The following PLEKHA5 variants were observed in gnomAD, a reference collection of about 807,000 sequenced individuals.
PLEKHA5 encodes pleckstrin homology domain containing A5.
A neutral mutation model predicts 181.9 loss-of-function variants in PLEKHA5; 55 were observed. The ratio of observed to expected loss-of-function variants is 0.30; its 90% confidence interval spans 0.24 to 0.38. PLEKHA5 has a LOEUF of 0.38. Among genes scored for constraint, PLEKHA5 ranks in the 10% least tolerant of loss-of-function variants. The pLI is 1.00. For synonymous variants in PLEKHA5, 535 were observed against 529.4 expected (o/e 1.01, Z -0.15); for missense variants, 1,432 against 1,549.5 (o/e 0.92, Z 1.27).
intron 3 of PLEKHA5, among the ~76,000 whole-genome samples, chr12:19,166,551 C>T (rs1436465062): frequency 2.0e-5 from 3 of 152,138 alleles, no homozygotes; most frequent in Non-Finnish European, 4.4e-5. Context: ...CCTTACCTGA[C>T]TAGTGGCTGT....
At chr12:19,294,586 A>C (rs1427870998) in intron 15 of PLEKHA5, among the ~76,000 whole-genome samples, 4 of 152,240 alleles carry the variant, frequency 2.6e-5, no homozygotes, top group Non-Finnish European at 5.9e-5. Context: ...CCAGCAACAA[A>C]ATGTAGTTTT....
Position 19,343,441 on chromosome 12 carries a change from TAGCTTTG to T in PLEKHA5, c.2662+8_2662+14del. 6.8e-7 allele frequency: 1 copy of T among 1,479,534 alleles called. No homozygotes were observed. Among genetic ancestry groups the T allele is most frequent in the South Asian group, 1.1e-5 (1 of 88,188 alleles). 91.7% of individuals were successfully genotyped at this position (1,479,534 alleles called of 1,614,324 possible). Reference sequence around the variant, plus strand: ...AGAGGTACTACAGAAATAGGTAAATTAGCTTTGCATTTTATTTTGTGACTGACCACAG... The same window carrying T: ...AGAGGTACTACAGAAATAGGTAAATTCATTTTATTTTGTGACTGACCACAG... On this transcript the variant is annotated splice_region_variant and intron_variant, in intron 22 of 31. Coordinates refer to ENST00000429027, the MANE Select transcript of PLEKHA5 (RefSeq NM_001256470.2).
chr12:19,279,431 G>A (rs1486065332), intron 11 of PLEKHA5, among the ~76,000 whole-genome samples: 2 of 152,042 alleles, frequency 1.3e-5, no homozygotes, highest in Non-Finnish European at 2.9e-5. Flanking sequence ...GGGAGGCCAA[G>A]GTGGTTGGAT....
intron 3 of PLEKHA5, among the ~76,000 whole-genome samples, chr12:19,253,064 C>CTGTTTTTTTTTTTTTTTTTTTT (rs2065786894): frequency 2.2e-5 from 1 of 45,834 alleles, no homozygotes; most frequent in Non-Finnish European, 4.6e-5. Flanking sequence ...ATCAACTTAC[C>CTGTTTTTTTTTTTTTTTTTTTT]TTTTTTTTTT....
chr12:19,233,913 C>A (rs947113563), intron 3 of PLEKHA5, among the ~76,000 whole-genome samples: 1 of 152,136 alleles, frequency 6.6e-6, no homozygotes, highest in Admixed American at 6.5e-5. Context: ...TTAGCTCTCA[C>A]GAAGTAGTGG....
At chr12:19,322,782 A>G in intron 20 of PLEKHA5, 115 bp downstream of exon 20, 1 of 654,658 alleles carries the variant, frequency 1.5e-6, no homozygotes, top group Non-Finnish European at 2.6e-6. Flanking sequence ...ATTATAGCAG[A>G]AAATATTAAT....
chr12:19,270,817 CCTCTT>C (rs2072484906), intron 10 of PLEKHA5, among the ~76,000 whole-genome samples: 1 of 151,434 alleles, frequency 6.6e-6, no homozygotes, highest in African/African-American at 2.4e-5. Context: ...CTTTTTTTTC[CCTCTT>C]CTCAGGAAAT....
At chr12:19,308,562 A>C (rs1209955660) in intron 15 of PLEKHA5, among the ~76,000 whole-genome samples, 1 of 152,154 alleles carries the variant, frequency 6.6e-6, no homozygotes, top group African/African-American at 2.4e-5. Context: ...TCCTTTACTA[A>C]GTTCACTTAC....
chr12:19,130,424 G>T lies in PLEKHA5; in HGVS notation c.169+294G>T, dbSNP rs905156055. 1.3e-5 allele frequency among the ~76,000 whole-genome samples: 2 copies of T among 151,828 alleles called. No individual in the cohort carries two copies. Among genetic ancestry groups the T allele is most frequent in the Admixed American group, 6.6e-5 (1 of 15,256 alleles). On this transcript the variant is annotated intron_variant, in intron 2 of 31. Coordinates refer to ENST00000429027, the MANE Select transcript of PLEKHA5 (RefSeq NM_001256470.2). The surrounding 1 kb of genome is among the most constrained non-coding windows in gnomAD (Gnocchi z 4.5). ...CCTAGACGACCCTCGCGACCCTAGA[G>T]TGGCGACGCTCCCCTCCCTGAAACC...
chr12:19,132,923 CTTTTT>C (rs35045706), intron 3 of PLEKHA5, among the ~76,000 whole-genome samples: 3 of 118,284 alleles, frequency 2.5e-5, no homozygotes, highest in Non-Finnish European at 3.6e-5. Context: ...ACGTGAACAT[CTTTTT>C]TTTTTTTTTT....
At chr12:19,263,817 G>A (rs1206538156) in intron 7 of PLEKHA5, among the ~76,000 whole-genome samples, 2 of 152,136 alleles carry the variant, frequency 1.3e-5, no homozygotes, top group Non-Finnish European at 2.9e-5. Flanking sequence ...GGAAGGAAAT[G>A]GCAGAGACAA....
chr12:19,354,075 T>G, intron 26 of PLEKHA5, 73 bp downstream of exon 26: 1 of 653,110 alleles, frequency 1.5e-6, no homozygotes, highest in Non-Finnish European at 2.6e-6. Context: ...GTTTTCATTT[T>G]CAGTGTCTTA....
At chr12:19,259,261 C>A (rs868122440) in intron 6 of PLEKHA5, among the ~76,000 whole-genome samples, 9 of 151,518 alleles carry the variant, frequency 5.9e-5, no homozygotes, top group Middle Eastern at 3.4e-3. Flanking sequence ...CCAGCTACTC[C>A]GGAGGCTGAA....
intron 6 of PLEKHA5, among the ~76,000 whole-genome samples, chr12:19,259,674 C>T (rs1449159878): frequency 6.6e-6 from 1 of 151,750 alleles, no homozygotes; most frequent in Non-Finnish European, 1.5e-5. Context: ...TCACTTGAAA[C>T]CAGGAAGCAG....
At chr12:19,189,232 A>G (rs2050527371) in intron 3 of PLEKHA5, among the ~76,000 whole-genome samples, 1 of 152,186 alleles carries the variant, frequency 6.6e-6, no homozygotes, top group Non-Finnish European at 1.5e-5. Context: ...AAGTAGCTTC[A>G]TTGAAGTCTT....
chr12:19,230,355 C>T lies in PLEKHA5; in HGVS notation c.228-23585C>T, dbSNP rs145856115. 7.1e-3 allele frequency among the ~76,000 whole-genome samples: 1,084 copies of T among 152,328 alleles called. 12 individuals carry two copies. The highest frequency in any genetic ancestry group is 0.025 in the African/African-American group (1,026 of 41,578). On this transcript the variant is annotated intron_variant, in intron 3 of 31. Coordinates refer to ENST00000429027, the MANE Select transcript of PLEKHA5 (RefSeq NM_001256470.2). ...ACCTGCCCACCAGTCCCATGCCGTG[C>T]GCCCGCACTCCTCAGCCCTTGGGTG...
At chr12:19,254,056 C>G (rs1474261469) in intron 4 of PLEKHA5, 33 bp downstream of exon 4, 1 of 1,269,042 alleles carries the variant, frequency 7.9e-7, no homozygotes, top group Non-Finnish European at 1.1e-6. Flanking sequence ...TGCCTGTATT[C>G]AAAATTGGGT....
rs191860792 is a variant in PLEKHA5 at position 19,165,846 on chromosome 12, G to A, written c.227+33396G>A. Among the ~76,000 whole-genome samples the A allele has an allele frequency of 7.9e-5, 12 of 152,256 alleles. No individual in the cohort carries two copies. The East Asian group carries it at 1.7e-3, about 22-fold the overall frequency. ...CAATGAGCAGTTTTGAAGAAGGTTCGCAAAAGGGAAAGTACAGTACATCCT... is the reference window on the plus strand; with the variant it reads ...CAATGAGCAGTTTTGAAGAAGGTTCACAAAAGGGAAAGTACAGTACATCCT... On this transcript the variant is annotated intron_variant, in intron 3 of 31. Coordinates refer to ENST00000429027, the MANE Select transcript of PLEKHA5 (RefSeq NM_001256470.2).
intron 15 of PLEKHA5, among the ~76,000 whole-genome samples, chr12:19,292,933 T>C (rs1001978983): frequency 4.6e-5 from 7 of 152,056 alleles, no homozygotes; most frequent in African/African-American, 1.7e-4. Flanking sequence ...AGCGAGACTC[T>C]ATCTCAAAAA....
Sources: allele counts gnomAD v4.1 joint callset (sites outside exome capture counted in the v4.1 genomes callset), GRCh38; gene constraint gnomAD v4.1.1; non-coding constraint Gnocchi (gnomAD v3.1); transcripts MANE v1.5; gene names NCBI Gene and HGNC (gene_info 2026-07-23, HGNC 2026-07-21).